The following MYH10 variants were observed in gnomAD, a reference collection of about 807,000 sequenced individuals.
MYH10 encodes myosin heavy chain 10.
MYH10 carries 55 observed loss-of-function variants against 257.8 expected under a neutral mutation model. The ratio of observed to expected loss-of-function variants is 0.21; its 90% confidence interval spans 0.17 to 0.27. The LOEUF (loss-of-function observed/expected upper bound fraction) is 0.27, where lower values mean the gene tolerates loss of function less well. Among genes scored for constraint, MYH10 ranks in the 10% least tolerant of loss-of-function variants. The probability of loss-of-function intolerance (pLI) is 1.00; values close to 1 mark genes in which losing one functional copy is unlikely to be tolerated. For missense variants in MYH10, 1,631 were observed against 2,500.6 expected (o/e 0.65, Z 7.42); for synonymous variants, 854 against 921.7 (o/e 0.93, Z 1.33).
At chr17:8,596,491 T>C (rs543779525) in intron 3 of MYH10, among the ~76,000 whole-genome samples, 2 of 152,314 alleles carry the variant, frequency 1.3e-5, no homozygotes, top group Admixed American at 6.5e-5. Flanking sequence ...ATGTTTCTTT[T>C]ATAGAATGGC....
intron 38 of MYH10, 64 bp downstream of exon 38, chr17:8,481,258 C>T: frequency 6.6e-7 from 1 of 1,512,374 alleles, no homozygotes; most frequent in Non-Finnish European, 9.1e-7. Context: ...TGGACACCTC[C>T]AGCCTTCTCA....
intron 24 of MYH10, chr17:8,511,066 A>C: frequency 2.0e-5 from 1 of 51,230 alleles, no homozygotes; most frequent in African/African-American, 9.3e-5. Flanking sequence ...ATATACACAC[A>C]TACATACATA....
rs572513630 is a variant in MYH10, at chr17:8,492,406, C to G, written c.4562G>C (p.Arg1521Pro). ...GGCCTCCAGGGCTTCCTCGAGGGCC[C>G]GGGCCAGTGACAGGGCTTTGGTTTC... ...EKETKALSLA[R>P]ALEEALEAKE... Residue 1521 changes from arginine (R) to proline (P), a missense_variant, in exon 34 of 43, where the codon CGG becomes CCG. Arg to Pro is a moderately radical substitution (Grantham distance 103). Transcript: ENST00000360416. 1 of 1,613,510 alleles carries G rather than the reference C, an allele frequency of 6.2e-7. No individual in the cohort carries two copies. Among genetic ancestry groups the G allele is most frequent in the East Asian group, 2.2e-5 (1 of 44,876 alleles).
chr17:8,565,779 C>G (rs1360787103), intron 7 of MYH10, among the ~76,000 whole-genome samples: 1 of 152,118 alleles, frequency 6.6e-6, no homozygotes, highest in Non-Finnish European at 1.5e-5. Flanking sequence ...TGTGCTGCTT[C>G]CAGGTGGCTA....
At chr17:8,564,063 T>C (rs1377333111) in intron 7 of MYH10, among the ~76,000 whole-genome samples, 1 of 152,234 alleles carries the variant, frequency 6.6e-6, no homozygotes, top group African/African-American at 2.4e-5. Context: ...TTATGAGAGA[T>C]TCTTTTTACA....
chr17:8,486,447 T>C (rs1914780165), intron 36 of MYH10, among the ~76,000 whole-genome samples: 1 of 150,794 alleles, frequency 6.6e-6, no homozygotes, highest in Non-Finnish European at 1.5e-5. Context: ...CAGGCTGCAG[T>C]GAGCCATGAC....
chr17:8,621,157 C>T (rs2085452911), intron 2 of MYH10, among the ~76,000 whole-genome samples: 1 of 152,204 alleles, frequency 6.6e-6, no homozygotes, highest in Admixed American at 6.5e-5. Context: ...TCACACTGCA[C>T]AGTTTTTGAT....
chr17:8,479,679 T>A (rs1435158119), intron 40 of MYH10, among the ~76,000 whole-genome samples: 1 of 152,240 alleles, frequency 6.6e-6, no homozygotes, highest in Non-Finnish European at 1.5e-5. Context: ...GTACAATTTC[T>A]CATCAATTTC....
Position 8,492,409 on chromosome 17 carries a change from G to A in MYH10, c.4559C>T (p.Ala1520Val). The change falls in exon 34 of 43, where the codon GCC becomes GTC. Residue 1520 changes from alanine to valine, a missense_variant. Physicochemically the swap from Ala to Val is moderately conservative, Grantham distance 64. Around this residue, in one of 11 missense-constraint regions of MYH10, gnomAD observed 463 missense variants for 621.8 expected, o/e 0.74. Transcript: ENST00000360416. ...REKETKALSL[A>V]RALEEALEAK... ...CTCCAGGGCTTCCTCGAGGGCCCGG[G>A]CCAGTGACAGGGCTTTGGTTTCTTT... 6.2e-7 allele frequency: 1 copy of A among 1,613,406 alleles called. No homozygotes were observed. The highest frequency in any genetic ancestry group is 8.5e-7 in the Non-Finnish European group (1 of 1,180,026).
intron 3 of MYH10, among the ~76,000 whole-genome samples, chr17:8,589,484 A>T (rs2084038962): frequency 6.6e-6 from 1 of 152,164 alleles, no homozygotes; most frequent in South Asian, 2.1e-4. Flanking sequence ...ACTCTGGGAG[A>T]TGGGGATTAA....
intron 13 of MYH10, 48 bp from the exon 14 acceptor site, chr17:8,542,328 A>C (rs775253677): frequency 1.3e-6 from 2 of 1,550,136 alleles, no homozygotes; most frequent in African/African-American, 2.7e-5. Flanking sequence ...GGTGGAGGGA[A>C]AATGGGAATA....
intron 2 of MYH10, among the ~76,000 whole-genome samples, chr17:8,617,399 A>C (rs1197070076): frequency 1.3e-5 from 2 of 152,166 alleles, no homozygotes; most frequent in Admixed American, 6.5e-5. Flanking sequence ...AAGGGCTCTC[A>C]GTCATCACTA....
In MYH10 at chr17:8,560,539, G is replaced by A. The variant is rs1387282676; in HGVS notation, c.757-6521C>T. On this transcript the variant is annotated intron_variant, in intron 7 of 42. Transcript: ENST00000360416. ...CTCCTTTGGCCCATGCAGCTCCTTC[G>A]AGCTGTTTGCCGACAAAGTTCCAAA... The A allele has an allele frequency of 1.5e-5, 10 of 672,138 alleles. No homozygotes were observed. In the East Asian group the frequency reaches 1.8e-4, roughly 12 times the overall value. The allele number at this position is 672,138 out of a possible 1,614,324, so 41.6% of individuals were successfully genotyped here. A position where few individuals can be genotyped will look rare whatever the true frequency, so the allele number is the denominator to read the frequency against.
chr17:8,494,182 C>T (rs1223989944), intron 31 of MYH10, among the ~76,000 whole-genome samples: 1 of 152,154 alleles, frequency 6.6e-6, no homozygotes, highest in Non-Finnish European at 1.5e-5. Flanking sequence ...CCCACCACAC[C>T]CCGCCTCTCC....
intron 7 of MYH10, chr17:8,561,669 C>A (rs768996037): frequency 1.6e-5 from 10 of 644,610 alleles, no homozygotes; most frequent in Non-Finnish European, 2.5e-5. Context: ...AGATTTGGGG[C>A]CTCTGAACAG....
chr17:8,545,365 T>G lies in MYH10; in HGVS notation c.1431+83A>C. The G allele has an allele frequency of 6.7e-7, 1 of 1,490,262 alleles. No homozygotes were observed. The highest frequency in any genetic ancestry group is 9.2e-7 in the Non-Finnish European group (1 of 1,084,232). The allele number at this position is 1,490,262 out of a possible 1,614,324, so 92.3% of individuals were successfully genotyped here. A position where few individuals can be genotyped will look rare whatever the true frequency, so the allele number is the denominator to read the frequency against. On this transcript the variant is annotated intron_variant, in intron 13 of 42. Coordinates refer to ENST00000360416, the MANE Select transcript of MYH10 (RefSeq NM_001256012.3). The surrounding 1 kb of genome is among the most constrained non-coding windows in gnomAD (Gnocchi z 4.7). The stretch of plus-strand genomic sequence containing the variant: ...GACTGTATCCCTGGTGCCTCGTATG[T>G]ACTGGGCACACAGTAAGCCTTCATA...
intron 29 of MYH10, 78 bp downstream of exon 29, chr17:8,500,748 A>T: frequency 6.5e-7 from 1 of 1,527,216 alleles, no homozygotes; most frequent in Non-Finnish European, 8.8e-7. Flanking sequence ...ATGACTGAAC[A>T]GAACGGGCAG....
intron 14 of MYH10, among the ~76,000 whole-genome samples, chr17:8,537,779 G>A (rs1373365655): frequency 1.3e-5 from 2 of 152,178 alleles, no homozygotes; most frequent in Non-Finnish European, 2.9e-5. Context: ...GCATGATCAT[G>A]AATATCATTA....
Position 8,513,771 on chromosome 17 carries a change from G to A in MYH10, c.2613+15C>T. ...CTATTTGAAAGGGATCTGGAAAGAA[G>A]TGAGCCAAGCTCACCTTTGTGAAGA... On this transcript the variant is annotated intron_variant, in intron 22 of 42. Transcript: ENST00000360416. 1 of 1,613,696 alleles carries A rather than the reference G, an allele frequency of 6.2e-7. No homozygotes were observed. Among genetic ancestry groups the A allele is most frequent in the Non-Finnish European group, 8.5e-7 (1 of 1,179,882 alleles).
Sources: gnomAD v4.1 joint callset for allele counts (sites outside exome capture counted in the v4.1 genomes callset) on GRCh38, gnomAD v4.1.1 for gene constraint, gnomAD v4.1.1 regional missense constraint, Gnocchi (gnomAD v3.1) non-coding constraint, MANE v1.5 for transcripts, NCBI Gene and HGNC (gene_info 2026-07-23, HGNC 2026-07-21) for gene names.